SP6: variants seen among roughly 807,000 people sequenced by gnomAD.
SP6 encodes the protein Sp6 transcription factor.
A neutral mutation model predicts 23.4 loss-of-function variants in SP6; 10 were observed. The observed-to-expected ratio is 0.43, with a 90% CI of 0.26 to 0.72. The LOEUF is 0.72. SP6 is among the 30% of genes least tolerant of loss of function. SP6 has a pLI of 0.23. For synonymous variants in SP6, 238 were observed against 238.7 expected (o/e 1.00, Z 0.03); for missense variants, 482 against 523.8 (o/e 0.92, Z 0.78).
At chr17:47,870,744 A>C in the SP6 span, among the ~76,000 whole-genome samples, 1 of 152,038 alleles carries the variant, frequency 6.6e-6, no homozygotes, top group South Asian at 2.1e-4. Flanking sequence ...GGGTTTCCTA[A>C]TTGGCACCCC....
Position 47,848,073 on chromosome 17 carries a change from C to T in SP6, c.357G>A (p.Ser119=). The change falls in exon 2 of 2, where the codon TCG becomes TCA. Residue 119 remains serine (S), a synonymous_variant. Coordinates refer to ENST00000536300, the MANE Select transcript of SP6 (RefSeq NM_001258248.2). The surrounding 1 kb of genome is among the most constrained non-coding windows in gnomAD (Gnocchi z 5.3). ...RPTHPGAEDG[S]WWDLHPGTSW... ...TGGTGCCCGGATGAAGGTCCCACCA[C>T]GAGCCATCCTCCGCGCCTGGGTGAG... The T allele has an allele frequency of 6.2e-7, 1 of 1,613,296 alleles. No homozygotes were observed. Among genetic ancestry groups the T allele is most frequent in the Non-Finnish European group, 8.5e-7 (1 of 1,179,922 alleles).
chr17:47,860,849 C>T (rs1181460913), upstream of SP6, among the ~76,000 whole-genome samples: 1 of 152,196 alleles, frequency 6.6e-6, no homozygotes, highest in African/African-American at 2.4e-5. Flanking sequence ...ACACTGTGCC[C>T]AGTGCCCTGT....
At chr17:47,870,391 A>G in the SP6 span, among the ~76,000 whole-genome samples, 5 of 152,038 alleles carry the variant, frequency 3.3e-5, no homozygotes, top group Non-Finnish European at 5.9e-5. Context: ...AGTGTTTGTG[A>G]AGAAGCTGCT....
At chr17:47,872,482 C>A in the SP6 span, among the ~76,000 whole-genome samples, 4 of 152,154 alleles carry the variant, frequency 2.6e-5, 1 homozygote, top group Admixed American at 2.6e-4. Flanking sequence ...TAAGGCCCAG[C>A]GGACGCAGGA....
In SP6 at chr17:47,847,321, C is replaced by A. The variant is rs1882724041; in HGVS notation, c.1109G>T (p.Gly370Val). 2.5e-6 allele frequency: 4 copies of A among 1,568,808 alleles called. No individual in the cohort carries two copies. The highest frequency in any genetic ancestry group is 1.4e-5 in the African/African-American group (1 of 73,924). ...AGCTCAGTTGGAGGGAGCCACGCTGCCCTCGGCCTCGCGTTTGCCTTTGCC... is the reference window on the plus strand; with the variant it reads ...AGCTCAGTTGGAGGGAGCCACGCTGACCTCGGCCTCGCGTTTGCCTTTGCC... ...PGGKGKREAE[G>V]SVAPSN Residue 370 changes from glycine (G) to valine (V), a missense_variant, in exon 2 of 2, where the codon GGC becomes GTC. Physicochemically the swap from Gly to Val is moderately radical, Grantham distance 109 (BLOSUM62 -3). This residue lies in a region of SP6 where 101 missense variants were observed against 99.3 expected (regional missense o/e 1.02). Coordinates refer to ENST00000536300, the MANE Select transcript of SP6 (RefSeq NM_001258248.2).
upstream of SP6, among the ~76,000 whole-genome samples, chr17:47,859,279 C>T (rs62066131): frequency 0.31 from 46,493 of 152,112 alleles, 8,451 homozygotes; most frequent in Non-Finnish European, 0.41. Context: ...CTACCTTTGT[C>T]GAAATCATTT....
chr17:47,868,647 G>A, the SP6 span, among the ~76,000 whole-genome samples: 2 of 152,136 alleles, frequency 1.3e-5, no homozygotes, highest in South Asian at 2.1e-4. Flanking sequence ...TCATGCATAC[G>A]CATAGACCCA....
Position 47,847,640 on chromosome 17 carries a change from C to G in SP6, c.790G>C (p.Ala264Pro). ...HNCHIPGCGKAYAKTSHLKAH... is the reference protein window; with the variant it reads ...HNCHIPGCGKPYAKTSHLKAH... ...TTCAGGTGCGACGTCTTGGCGTAGGCTTTCCCGCAGCCCGGGATGTGGCAG... is the reference window on the plus strand; with the variant it reads ...TTCAGGTGCGACGTCTTGGCGTAGGGTTTCCCGCAGCCCGGGATGTGGCAG... Residue 264 changes from alanine to proline, a missense_variant, in exon 2 of 2, where the codon GCC becomes CCC. Physicochemically the swap from Ala to Pro is conservative, Grantham distance 27. This residue lies in a region of SP6 where 51 missense variants were observed against 92.1 expected (regional missense o/e 0.55). Coordinates refer to ENST00000536300, the MANE Select transcript of SP6 (RefSeq NM_001258248.2). 6.2e-7 allele frequency: 1 copy of G among 1,613,224 alleles called. No individual in the cohort carries two copies. The highest frequency in any genetic ancestry group is 8.5e-7 in the Non-Finnish European group (1 of 1,179,812).
the SP6 span, among the ~76,000 whole-genome samples, chr17:47,870,811 A>T: frequency 2.0e-5 from 3 of 152,130 alleles, no homozygotes; most frequent in Non-Finnish European, 4.4e-5. Flanking sequence ...GACTTCAGGA[A>T]CATCCACCTC....
At chr17:47,872,170 A>G in the SP6 span, among the ~76,000 whole-genome samples, 3 of 152,240 alleles carry the variant, frequency 2.0e-5, no homozygotes, top group South Asian at 2.1e-4. Context: ...AACTGGGAAC[A>G]AGTCCCAACA....
chr17:47,848,101 G>T lies in SP6; in HGVS notation c.329C>A (p.Pro110Gln), dbSNP rs2033914335. 3.1e-6 allele frequency: 5 copies of T among 1,613,644 alleles called. No individual in the cohort carries two copies. Among genetic ancestry groups the T allele is most frequent in the African/African-American group, 1.3e-5 (1 of 75,056 alleles). ...GCCATCCTCCGCGCCTGGGTGAGTC[G>T]GCCTGAACCACGATTCATAATGGTG... ...MSHHYESWFR[P>Q]THPGAEDGSW... is the part of the protein sequence containing the mutation. Residue 110 changes from proline to glutamine, a missense_variant, in exon 2 of 2, where the codon CCG (proline) becomes CAG (glutamine). Physicochemically the swap from Pro to Gln is moderately conservative, Grantham distance 76. Coordinates refer to ENST00000536300, the MANE Select transcript of SP6 (RefSeq NM_001258248.2). The surrounding 1 kb of genome is among the most constrained non-coding windows in gnomAD (Gnocchi z 5.3).
chr17:47,848,160 G>T lies in SP6; in HGVS notation c.270C>A (p.Gly90=). 1 of 1,613,402 alleles carries T rather than the reference G, an allele frequency of 6.2e-7. No homozygotes were observed. Residue 90 remains glycine, a synonymous_variant, in exon 2 of 2, where the codon GGC becomes GGA. Transcript: ENST00000536300. The surrounding 1 kb of genome is among the most constrained non-coding windows in gnomAD (Gnocchi z 5.3). ...DLESDSPLAP[G]PFSKLLQPDM... ...CCGGCTGCAGGAGCTTGGAAAAGGG[G>T]CCCGGGGCCAAGGGACTGTCGCTTT...
the SP6 span, among the ~76,000 whole-genome samples, chr17:47,875,450 G>A: frequency 6.6e-6 from 1 of 152,160 alleles, no homozygotes; most frequent in Non-Finnish European, 1.5e-5. Flanking sequence ...TCTAGCGCCA[G>A]CAACTCCCGG....
At chr17:47,866,149 CT>C in the SP6 span, among the ~76,000 whole-genome samples, 1 of 152,134 alleles carries the variant, frequency 6.6e-6, no homozygotes, top group South Asian at 2.1e-4. Context: ...GTTCCTGTCC[CT>C]GAGGAGCACC....
chr17:47,854,044 C>T (rs190380162), upstream of SP6, among the ~76,000 whole-genome samples: 1 of 152,324 alleles, frequency 6.6e-6, no homozygotes, highest in Non-Finnish European at 1.5e-5. Context: ...AACAACACAG[C>T]CCATCACATC....
At chr17:47,850,853 G>A (rs1356450726) in intron 1 of SP6, 66 bp downstream of exon 1, 2 of 152,242 alleles carry the variant, frequency 1.3e-5, no homozygotes, top group East Asian at 1.9e-4. Context: ...GGGCGCGTTC[G>A]GAGTGCGTTT....
chr17:47,848,229 A>G lies in SP6; in HGVS notation c.201T>C (p.Tyr67=). 1 of 1,612,368 alleles carries G rather than the reference A, an allele frequency of 6.2e-7. No homozygotes were observed. Among genetic ancestry groups the G allele is most frequent in the Non-Finnish European group, 8.5e-7 (1 of 1,179,402 alleles). Residue 67 remains tyrosine, a synonymous_variant, in exon 2 of 2, where the codon TAT becomes TAC. Coordinates refer to ENST00000536300, the MANE Select transcript of SP6 (RefSeq NM_001258248.2). This position sits in a 1 kb window ranked among gnomAD's most constrained non-coding sequence, Gnocchi z 5.3. The stretch of plus-strand genomic sequence containing the variant: ...CCCGCGAGGAGGCCCCTGGCAGCTC[A>G]TAGCCCTGCGAGAAGTCCACCTCCG... The part of the protein sequence containing the change: ...LGPEVDFSQG[Y]ELPGASSRVT...
chr17:47,847,658 T>A lies in SP6; in HGVS notation c.772A>T (p.Ile258Phe), dbSNP rs2033903093. The A allele has an allele frequency of 6.2e-7, 1 of 1,612,732 alleles. No homozygotes were observed. Among genetic ancestry groups the A allele is most frequent in the Non-Finnish European group, 8.5e-7 (1 of 1,179,628 alleles). The change falls in exon 2 of 2, where the codon ATC (isoleucine) becomes TTC (phenylalanine). Residue 258 changes from isoleucine (I) to phenylalanine (F), a missense_variant. Physicochemically the swap from Ile to Phe is conservative, Grantham distance 21 (BLOSUM62 0). This residue lies in a region of SP6 where 51 missense variants were observed against 92.1 expected (regional missense o/e 0.55). Transcript: ENST00000536300. ...GKKKHLHNCH[I>F]PGCGKAYAKT... ...GCGTAGGCTTTCCCGCAGCCCGGGA[T>A]GTGGCAGTTGTGCAAATGCTTCTTC...
chr17:47,874,522 C>T, the SP6 span, among the ~76,000 whole-genome samples: 1 of 152,176 alleles, frequency 6.6e-6, no homozygotes, highest in African/African-American at 2.4e-5. Flanking sequence ...GCCTGGACAA[C>T]AGAGCAAGAC....
Sources: allele counts gnomAD v4.1 joint callset (sites outside exome capture counted in the v4.1 genomes callset), GRCh38; gene constraint gnomAD v4.1.1; regional missense constraint gnomAD v4.1.1; non-coding constraint Gnocchi (gnomAD v3.1); transcripts MANE v1.5; gene names NCBI Gene and HGNC (gene_info 2026-07-23, HGNC 2026-07-21).